FARP1: variants seen among roughly 807,000 people sequenced by gnomAD.
FARP1 encodes FERM, ARH/RhoGEF and pleckstrin domain protein 1.
Under a neutral mutation model 128.8 loss-of-function variants are expected in FARP1, and 52 were observed. That is an observed-to-expected ratio of 0.40 (90% CI 0.32 to 0.51). The LOEUF is 0.51. Among genes scored for constraint, FARP1 ranks in the 20% least tolerant of loss-of-function variants. The pLI is 0.45. For synonymous variants in FARP1, 580 were observed against 551.8 expected (o/e 1.05, Z -0.72); for missense variants, 1,333 against 1,367.9 (o/e 0.97, Z 0.40).
intron 2 of FARP1, among the ~76,000 whole-genome samples, chr13:98,308,623 G>C (rs764558193): frequency 6.6e-6 from 1 of 152,190 alleles, no homozygotes; most frequent in Non-Finnish European, 1.5e-5. Flanking sequence ...AAGAATGTAA[G>C]ATAACTCAGT....
chr13:98,429,606 G>A (rs1891934033), intron 17 of FARP1, among the ~76,000 whole-genome samples: 1 of 152,192 alleles, frequency 6.6e-6, no homozygotes, highest in Non-Finnish European at 1.5e-5. Flanking sequence ...TTTTAATGTC[G>A]TGAGTACCTG....
intron 2 of FARP1, among the ~76,000 whole-genome samples, chr13:98,237,695 T>A (rs1480880627): frequency 2.0e-5 from 3 of 152,204 alleles, no homozygotes; most frequent in African/African-American, 7.2e-5. Context: ...ATTCTGGAAG[T>A]GCTCTCAGGA....
At chr13:98,440,083 T>A in intron 22 of FARP1, 40 bp downstream of exon 22, 2 of 1,610,176 alleles carry the variant, frequency 1.2e-6, no homozygotes, top group Non-Finnish European at 1.7e-6. Context: ...TCCCCTTTGA[T>A]GTGCTGTGGC....
rs1353001985 is a variant in FARP1, at chr13:98,379,154, A to C, written c.496+1236A>C. Among the ~76,000 whole-genome samples the C allele has an allele frequency of 2.8e-4, 19 of 67,028 alleles. 2 individuals are homozygous for C. Among genetic ancestry groups the C allele is most frequent in the East Asian group, 1.1e-3 (4 of 3,772 alleles). 44.0% of individuals were successfully genotyped at this position (67,028 alleles called of 152,430 possible). On this transcript the variant is annotated intron_variant, in intron 6 of 26. Transcript: ENST00000319562. ...ATATAATATATAATCTATATATAAT[A>C]TATATATAATATATAATCTATATAT...
chr13:98,155,665 T>C (rs1271612422), intron 1 of FARP1, among the ~76,000 whole-genome samples: 1 of 152,116 alleles, frequency 6.6e-6, no homozygotes, highest in African/African-American at 2.4e-5. Flanking sequence ...ACTACAGGTG[T>C]GCACCACCAC....
At chr13:98,365,194 C>G (rs758180774) in intron 3 of FARP1, among the ~76,000 whole-genome samples, 1 of 152,148 alleles carries the variant, frequency 6.6e-6, no homozygotes, top group Non-Finnish European at 1.5e-5. Context: ...TTTTCAAGCT[C>G]AGGGATAATA....
intron 1 of FARP1, among the ~76,000 whole-genome samples, chr13:98,190,449 AT>A (rs1326022623): frequency 6.6e-6 from 1 of 152,198 alleles, no homozygotes; most frequent in Non-Finnish European, 1.5e-5. Flanking sequence ...GCTCTCTCTT[AT>A]CTTCCAAACT....
chr13:98,340,834 C>G (rs1474757305), intron 2 of FARP1: 1 of 152,212 alleles, frequency 6.6e-6, no homozygotes, highest in Non-Finnish European at 1.5e-5. Flanking sequence ...TTGTCTGACC[C>G]TGTGTGTCGG....
chr13:98,231,206 GA>G, intron 2 of FARP1, among the ~76,000 whole-genome samples: 1 of 152,192 alleles, frequency 6.6e-6, no homozygotes, highest in Admixed American at 6.5e-5. Flanking sequence ...TGGGTGCAAG[GA>G]TAACCCCAAG....
chr13:98,274,481 C>T, intron 2 of FARP1, among the ~76,000 whole-genome samples: 1 of 152,060 alleles, frequency 6.6e-6, no homozygotes. Flanking sequence ...ACTTTTGCAC[C>T]AACCTAATAT....
Position 98,446,130 on chromosome 13 carries a change from C to A in FARP1, c.2829C>A (p.Phe943Leu), listed in dbSNP as rs151074430. ...NQLSGNLLRK[F>L]KNSNGWQKLW... ...TGTCTGGAAACCTGCTGAGGAAATTCAAAAACAGCAACGGGTGGCAGAAGC... is the reference window on the plus strand; with the variant it reads ...TGTCTGGAAACCTGCTGAGGAAATTAAAAAACAGCAACGGGTGGCAGAAGC... Residue 943 changes from phenylalanine (F) to leucine (L), a missense_variant, in exon 25 of 27, where the codon TTC (phenylalanine) becomes TTA (leucine). Transcript: ENST00000319562. The A allele has an allele frequency of 3.7e-6, 6 of 1,614,006 alleles. No homozygotes were observed. Among genetic ancestry groups the A allele is most frequent in the Non-Finnish European group, 5.1e-6 (6 of 1,179,876 alleles).
intron 2 of FARP1, among the ~76,000 whole-genome samples, chr13:98,318,950 G>GTTTTTTTTTTTT (rs56166470): frequency 3.1e-3 from 370 of 120,640 alleles, no homozygotes; most frequent in African/African-American, 5.3e-3. Context: ...GTTTTTTCTT[G>GTTTTTTTTTTTT]TTTTTTTTTT....
chr13:98,177,831 CGAACCG>C (rs1475628912), intron 1 of FARP1: 1 of 152,130 alleles, frequency 6.6e-6, no homozygotes, highest in Non-Finnish European at 1.5e-5. Context: ...CAGGCCATAG[CGAACCG>C]GTGGTGCTCA....
At chr13:98,431,436 T>C (rs34727392) in intron 18 of FARP1, 156 bp downstream of exon 18, 73,504 of 555,764 alleles carry the variant, frequency 0.13, 5,523 homozygotes, top group East Asian at 0.26. Context: ...TTTTTATTCC[T>C]GCTCTGGTGT....
In FARP1 at chr13:98,423,354, C is replaced by T. The variant is rs149833739; in HGVS notation, c.1827-1218C>T. On this transcript the variant is annotated intron_variant, in intron 16 of 26. Coordinates refer to ENST00000319562, the MANE Select transcript of FARP1 (RefSeq NM_005766.4). The stretch of plus-strand genomic sequence containing the variant: ...CCGGGTCCCTCCTGACTTCAGTTGC[C>T]GGGTATTTTTTTCCACTTTGAAGAT... 4.8e-3 allele frequency among the ~76,000 whole-genome samples: 728 copies of T among 152,006 alleles called. 4 individuals are homozygous for T. The highest frequency in any genetic ancestry group is 0.017 in the Middle Eastern group (5 of 294).
chr13:98,195,774 C>G (rs1010963791), intron 1 of FARP1, among the ~76,000 whole-genome samples: 2 of 152,162 alleles, frequency 1.3e-5, no homozygotes, highest in African/African-American at 4.8e-5. Flanking sequence ...CACTTGCAAT[C>G]CCAGCACTTT....
At chr13:98,395,125 G>A in intron 12 of FARP1, 102 bp from the exon 13 acceptor site, 1 of 1,407,314 alleles carries the variant, frequency 7.1e-7, no homozygotes, top group South Asian at 1.5e-5. Context: ...CGCCGCAGAG[G>A]CCTCGGGTGT....
At position 98,173,057 on chromosome 13, in the gene FARP1, A is replaced by G. The variant is rs376873774; in HGVS notation, c.-24+29565A>G. Among the ~76,000 whole-genome samples the G allele has an allele frequency of 3.1e-4, 47 of 152,366 alleles. No homozygotes were observed. In the East Asian group the frequency reaches 4.0e-3, roughly 13 times the overall value. ...TAAATAATAGTAGTTAAGGATATCT[A>G]TCAATCTCGTGTTTTTTAGCTCCAG... On this transcript the variant is annotated intron_variant, in intron 1 of 26. Transcript: ENST00000319562.
At chr13:98,322,497 C>T (rs1239323988) in intron 2 of FARP1, among the ~76,000 whole-genome samples, 5 of 152,182 alleles carry the variant, frequency 3.3e-5, no homozygotes, top group African/African-American at 9.7e-5. Flanking sequence ...TGCAGTTCAT[C>T]TTGCTTGCAA....
Sources: gnomAD v4.1 joint callset for allele counts (sites outside exome capture counted in the v4.1 genomes callset) on GRCh38, gnomAD v4.1.1 for gene constraint, MANE v1.5 for transcripts, NCBI Gene and HGNC (gene_info 2026-07-23, HGNC 2026-07-21) for gene names.